PLPPR5: variants seen among roughly 807,000 people sequenced by gnomAD.
PLPPR5 encodes phospholipid phosphatase-related protein type 5.
A neutral mutation model predicts 33.9 loss-of-function variants in PLPPR5; 16 were observed. The ratio of observed to expected loss-of-function variants is 0.47; its 90% CI spans 0.32 to 0.72. The LOEUF (loss-of-function observed/expected upper bound fraction) is 0.72, where lower values mean the gene tolerates loss of function less well. PLPPR5 is among the 30% of genes least tolerant of loss of function. The pLI is 0.03. For missense variants in PLPPR5, 301 were observed against 406.7 expected (o/e 0.74, Z 2.23); for synonymous variants, 163 against 150.3 (o/e 1.08, Z -0.62).
At chr1:98,932,031 A>G (rs1172289501) in intron 3 of PLPPR5, among the ~76,000 whole-genome samples, 1 of 152,176 alleles carries the variant, frequency 6.6e-6, no homozygotes, top group Non-Finnish European at 1.5e-5. Context: ...GGGTGAGGTC[A>G]TGGGTGGAAG....
intron 5 of PLPPR5, 60 bp downstream of exon 5, chr1:98,914,726 A>G: frequency 6.9e-7 from 1 of 1,444,280 alleles, no homozygotes; most frequent in Non-Finnish European, 9.5e-7. Context: ...AGATATACAT[A>G]CAGGAATAAT....
intron 3 of PLPPR5, among the ~76,000 whole-genome samples, chr1:98,931,386 A>T (rs1649958917): frequency 6.6e-6 from 1 of 152,190 alleles, no homozygotes; most frequent in Non-Finnish European, 1.5e-5. Context: ...CAATTCCATG[A>T]CATTGGTACT....
intron 1 of PLPPR5, among the ~76,000 whole-genome samples, chr1:98,958,824 T>G (rs1651119671): frequency 6.6e-6 from 1 of 152,116 alleles, no homozygotes; most frequent in Non-Finnish European, 1.5e-5. Flanking sequence ...TTTCAAATTC[T>G]AACAATGCAT....
At chr1:99,002,904 G>A (rs1389010102) in intron 1 of PLPPR5, among the ~76,000 whole-genome samples, 1 of 149,930 alleles carries the variant, frequency 6.7e-6, no homozygotes, top group Non-Finnish European at 1.5e-5. Context: ...CTGGAAAACT[G>A]TACATGGGAA....
At chr1:98,893,911 A>T (rs377498555) in intron 5 of PLPPR5, among the ~76,000 whole-genome samples, 24 of 152,046 alleles carry the variant, frequency 1.6e-4, no homozygotes, top group African/African-American at 5.3e-4. Context: ...TTTGCATTGG[A>T]TTTTTATAAC....
chr1:98,993,747 C>T (rs1170868713), intron 1 of PLPPR5, among the ~76,000 whole-genome samples: 1 of 151,884 alleles, frequency 6.6e-6, no homozygotes, highest in African/African-American at 2.4e-5. Context: ...CAAGATGTTT[C>T]GGAGTGTAAA....
intron 1 of PLPPR5, among the ~76,000 whole-genome samples, chr1:98,968,894 T>C (rs1651547336): frequency 6.6e-6 from 1 of 152,028 alleles, no homozygotes; most frequent in South Asian, 2.1e-4. Flanking sequence ...TCCCATGCAG[T>C]CTAGTTTTGG....
Position 98,969,318 on chromosome 1 carries a change from T to C in PLPPR5, c.238-12577A>G, listed in dbSNP as rs1338764486. 2.0e-5 allele frequency among the ~76,000 whole-genome samples: 3 copies of C among 152,122 alleles called. 1 individual carries two copies. Among genetic ancestry groups the C allele is most frequent in the East Asian group, 3.9e-4 (2 of 5,168 alleles). ...AAGTAAAGCTGAGAAATGCTGTCTTTAGAAAGTGAAAAACTCATTCACCAC... is the reference window on the plus strand; with the variant it reads ...AAGTAAAGCTGAGAAATGCTGTCTTCAGAAAGTGAAAAACTCATTCACCAC... On this transcript the variant is annotated intron_variant, in intron 1 of 5. Coordinates refer to ENST00000263177, the MANE Select transcript of PLPPR5 (RefSeq NM_001037317.2).
chr1:98,956,204 C>T (rs1257706557), intron 2 of PLPPR5, among the ~76,000 whole-genome samples: 2 of 152,032 alleles, frequency 1.3e-5, no homozygotes, highest in South Asian at 2.1e-4. Context: ...ACAGTAATCA[C>T]GTAATTTTTG....
Position 98,894,557 on chromosome 1 carries a change from A to G in PLPPR5, c.934-1453T>C, listed in dbSNP as rs183912957. On this transcript the variant is annotated intron_variant, in intron 5 of 5. Coordinates refer to ENST00000263177, the MANE Select transcript of PLPPR5 (RefSeq NM_001037317.2). ...GGATCTAGAACAACATAATTTCTGG[A>G]AAGATGTTAAGATAGAAATTAAAGA... Among the ~76,000 whole-genome samples the G allele has an allele frequency of 5.9e-5, 9 of 152,222 alleles. No individual in the cohort carries two copies. In the East Asian group the frequency reaches 1.5e-3, roughly 26 times the overall value.
At chr1:98,930,858 C>A (rs1167802943) in intron 3 of PLPPR5, among the ~76,000 whole-genome samples, 1 of 152,104 alleles carries the variant, frequency 6.6e-6, no homozygotes, top group African/African-American at 2.4e-5. Context: ...CCAAAAGCTT[C>A]CTACATCCAT....
At chr1:98,935,933 T>G (rs1238144238) in intron 3 of PLPPR5, among the ~76,000 whole-genome samples, 1 of 152,004 alleles carries the variant, frequency 6.6e-6, no homozygotes, top group Non-Finnish European at 1.5e-5. Flanking sequence ...GTAAGGGACC[T>G]GGAATTCTGC....
chr1:98,972,187 CAAT>C (rs984331648), intron 1 of PLPPR5, among the ~76,000 whole-genome samples: 3 of 152,088 alleles, frequency 2.0e-5, no homozygotes, highest in African/African-American at 7.2e-5. Flanking sequence ...TTCAAAATCA[CAAT>C]TTTTTAACCA....
At chr1:99,001,107 T>C (rs749627297) in intron 1 of PLPPR5, among the ~76,000 whole-genome samples, 25 of 151,672 alleles carry the variant, frequency 1.6e-4, no homozygotes, top group Non-Finnish European at 3.5e-4. Context: ...TTGTTCAAGA[T>C]TACACAGCAA....
At chr1:98,974,837 C>T (rs1382421468) in intron 1 of PLPPR5, among the ~76,000 whole-genome samples, 2 of 152,072 alleles carry the variant, frequency 1.3e-5, no homozygotes, top group African/African-American at 2.4e-5. Flanking sequence ...CCTGAGTTTT[C>T]GCTTTGATCA....
chr1:98,942,174 C>T (rs902080633), intron 3 of PLPPR5, among the ~76,000 whole-genome samples: 13 of 152,100 alleles, frequency 8.5e-5, no homozygotes, highest in Middle Eastern at 6.8e-3. Context: ...TGAATTCAAG[C>T]GATTCTCCGG....
chr1:98,929,660 C>G (rs1437792090), intron 3 of PLPPR5, among the ~76,000 whole-genome samples: 2 of 152,172 alleles, frequency 1.3e-5, no homozygotes, highest in Admixed American at 1.3e-4. Context: ...TTATGAATAA[C>G]AGCTCCTTCA....
chr1:98,915,941 T>A (rs1649328474), intron 4 of PLPPR5, among the ~76,000 whole-genome samples: 3 of 152,230 alleles, frequency 2.0e-5, no homozygotes, highest in African/African-American at 2.4e-5. Flanking sequence ...ATTCTTGAGT[T>A]TTATTTTCTG....
At chr1:98,912,841 G>C (rs1649204118) in intron 5 of PLPPR5, among the ~76,000 whole-genome samples, 3 of 152,134 alleles carry the variant, frequency 2.0e-5, no homozygotes, top group Admixed American at 2.0e-4. Context: ...CACAGGACTT[G>C]ACACATACTG....
Sources: gnomAD v4.1 joint callset for allele counts (sites outside exome capture counted in the v4.1 genomes callset) on GRCh38, gnomAD v4.1.1 for gene constraint, MANE v1.5 for transcripts, NCBI Gene and HGNC (gene_info 2026-07-23, HGNC 2026-07-21) for gene names.